Variants in C8G observed in about 807,000 individuals in gnomAD.
C8G encodes complement component C8 gamma chain.
In C8G, 38 loss-of-function variants were observed where a neutral mutation model predicts 29.1. The observed-to-expected ratio is 1.31, with a 90% CI of 1.01 to 1.71. The LOEUF (loss-of-function observed/expected upper bound fraction) is 1.71. C8G is among the 40% of genes most tolerant of loss of function. The pLI, the probability that C8G is intolerant of heterozygous loss-of-function variation, is 0.00. For missense variants in C8G, 300 were observed against 267.4 expected (o/e 1.12, Z -0.85); for synonymous variants, 158 against 113.2 (o/e 1.40, Z -2.51).
At chr9:136,945,793 A>G in intron 2 of C8G, 23 bp downstream of exon 2, 2 of 1,542,556 alleles carry the variant, frequency 1.3e-6, no homozygotes, top group East Asian at 2.4e-5. Flanking sequence ...GCAGCCCTGC[A>G]CCCTAACCCC....
rs144007361 is a variant in C8G, at chr9:136,946,162, C to T, written c.424C>T (p.Arg142Trp). ...GAGTTTCGCTGTCCTGTACCTGGAG[C>T]GGGCGGGGCAGCTGTCAGTGAAGCT... ...YQSFAVLYLE[R>W]AGQLSVKLYA... The change falls in exon 4 of 7, where the codon CGG becomes TGG. Residue 142 changes from arginine (R) to tryptophan (W), a missense_variant. Coordinates refer to ENST00000371634, the MANE Select transcript of C8G (RefSeq NM_000606.3). 6.3e-5 allele frequency: 99 copies of T among 1,568,052 alleles called. No homozygotes were observed. In the East Asian group the frequency reaches 1.8e-3, roughly 29 times the overall value.
chr9:136,945,374 G>C lies in C8G; in HGVS notation c.54G>C (p.Ser18=), dbSNP rs550971839. 2.6e-4 allele frequency: 414 copies of C among 1,612,490 alleles called. No homozygotes were observed. The highest frequency in any genetic ancestry group is 3.4e-4 in the Non-Finnish European group (403 of 1,179,842). The change falls in exon 1 of 7, where the codon TCG becomes TCC. Residue 18 remains serine (S), a synonymous_variant. Transcript: ENST00000371634. ...TGACTCTGCTCCTGGCAGCTGGCTC[G>C]CTGGGCCAGAAGCCTCAGAGGCCAC... The part of the protein sequence containing the change: ...TLLTLLLAAG[S]LGQKPQRPRR...
chr9:136,945,626 G>A lies in C8G; in HGVS notation c.139-8G>A, dbSNP rs1564441174. 4 of 1,608,706 alleles carry A rather than the reference G, an allele frequency of 2.5e-6. No homozygotes were observed. The highest frequency in any genetic ancestry group is 3.3e-5 in the Admixed American group (2 of 59,802). On this transcript the variant is annotated splice_region_variant and splice_polypyrimidine_tract_variant and intron_variant, in intron 1 of 6. Transcript: ENST00000371634. The stretch of plus-strand genomic sequence containing the variant: ...GTGCCCTCGAGTTCTCCCATGGTCT[G>A]CCCCCAGTTTGCAGGGACCTGGCTC...
rs1265118048 is a variant in C8G at position 136,945,268 on chromosome 9, TTGG to T, written c.-47_-45del. On this transcript the variant is annotated 5_prime_UTR_variant, in exon 1 of 7. Coordinates refer to ENST00000371634, the MANE Select transcript of C8G (RefSeq NM_000606.3). Reference sequence around the variant, plus strand: ...AGCAGAGTAGACTCTGTCCTGGGACTTGGTGGTGCTACCCTTGGCCTCCCACAG... The same window carrying T: ...AGCAGAGTAGACTCTGTCCTGGGACTTGGTGCTACCCTTGGCCTCCCACAG... 9 of 1,542,872 alleles carry T rather than the reference TTGG, an allele frequency of 5.8e-6. No homozygotes were observed. The highest frequency in any genetic ancestry group is 4.8e-4 in the Middle Eastern group (2 of 4,178).
chr9:136,946,848 C>T lies in C8G; in HGVS notation c.*67C>T, dbSNP rs147752674. On this transcript the variant is annotated 3_prime_UTR_variant, in exon 7 of 7. Coordinates refer to ENST00000371634, the MANE Select transcript of C8G (RefSeq NM_000606.3). ...GAGACGACCCCACCAGTGGGGTGCC[C>T]GCTGCCTGTCCTCCGTGAAACCAGC... 138 of 1,526,926 alleles carry T rather than the reference C, an allele frequency of 9.0e-5. No individual in the cohort carries two copies. The highest frequency in any genetic ancestry group is 8.8e-4 in the Middle Eastern group (5 of 5,710). The allele number at this position is 1,526,926 out of a possible 1,614,324, so 94.6% of individuals were successfully genotyped here.
rs1277857190 is a variant in C8G, at chr9:136,945,465, G to GT, written c.138+9dup. The GT allele has an allele frequency of 8.9e-6, 14 of 1,564,308 alleles. No homozygotes were observed. Among genetic ancestry groups the GT allele is most frequent in the Admixed American group, 7.6e-5 (4 of 52,302 alleles). On this transcript the variant is annotated splice_region_variant and intron_variant, in intron 1 of 6. Coordinates refer to ENST00000371634, the MANE Select transcript of C8G (RefSeq NM_000606.3). ...CAATTTTGATGCTCAGCAGGTAGAA[G>GT]TTGGGGGGGGTAGAGGGAGGCAGGT...
At chr9:136,945,806 CCCT>C (rs779062096) in intron 2 of C8G, 36 bp downstream of exon 2, 4 of 1,540,068 alleles carry the variant, frequency 2.6e-6, no homozygotes, top group Non-Finnish European at 3.5e-6. Context: ...CTAACCCCAA[CCCT>C]CCTCTCAGCC....
At chr9:136,946,284 C>G in intron 4 of C8G, 92 bp downstream of exon 4, 1 of 1,366,776 alleles carries the variant, frequency 7.3e-7, no homozygotes, top group Non-Finnish European at 1.0e-6. Context: ...CCCATGGGGA[C>G]ACACTTCCTT....
In C8G at chr9:136,946,452, G is replaced by C. The variant is rs540274585; in HGVS notation, c.455-13G>C. ...CTGGTGCCAGGACCCCAGGAACCCT[G>C]TCTGCCCTGCAGCCCGCTCGCTCCC... is the stretch of plus-strand genomic sequence containing the variant. On this transcript the variant is annotated splice_polypyrimidine_tract_variant and intron_variant, in intron 4 of 6. Transcript: ENST00000371634. 6.3e-7 allele frequency: 1 copy of C among 1,583,940 alleles called. No individual in the cohort carries two copies. The highest frequency in any genetic ancestry group is 2.3e-5 in the East Asian group (1 of 44,428).
chr9:136,945,742 G>C lies in C8G; in HGVS notation c.247G>C (p.Ala83Pro). Residue 83 changes from alanine to proline, a missense_variant, in exon 2 of 7, where the codon GCC becomes CCC. By Grantham distance (27) the Ala-to-Pro change is conservative. Coordinates refer to ENST00000371634, the MANE Select transcript of C8G (RefSeq NM_000606.3). The part of the protein sequence containing the change: ...TTLHVAPQGT[A>P]MAVSTFRKLD... Reference sequence around the variant, plus strand: ...ACTGCATGTGGCTCCCCAGGGCACAGCCATGGCTGTCAGTACCTTCCGAAA... The same window carrying C: ...ACTGCATGTGGCTCCCCAGGGCACACCCATGGCTGTCAGTACCTTCCGAAA... The C allele has an allele frequency of 6.4e-7, 1 of 1,567,144 alleles. No individual in the cohort carries two copies.
Position 136,946,569 on chromosome 9 carries a change from G to C in C8G, c.556+3G>C, listed in dbSNP as rs753203452. The stretch of plus-strand genomic sequence containing the variant: ...GATCTTCTACTTCCCCAAGTACGGT[G>C]AGTGTCCCCAGCAGGTCCCCAGCTC... On this transcript the variant is annotated splice_donor_region_variant and intron_variant, in intron 5 of 6. Transcript: ENST00000371634. 4.3e-6 allele frequency: 7 copies of C among 1,612,892 alleles called. No individual in the cohort carries two copies. The highest frequency in any genetic ancestry group is 5.1e-6 in the Non-Finnish European group (6 of 1,179,804).
chr9:136,945,543 G>C, intron 1 of C8G, 85 bp downstream of exon 1: 1 of 1,550,314 alleles, frequency 6.5e-7, no homozygotes, highest in Non-Finnish European at 8.8e-7. Context: ...GCGGGGGAGA[G>C]GGAAGCAGGT....
chr9:136,946,465 C>G lies in C8G; in HGVS notation c.455C>G (p.Ala152Gly). 1 of 1,596,526 alleles carries G rather than the reference C, an allele frequency of 6.3e-7. No individual in the cohort carries two copies. The highest frequency in any genetic ancestry group is 8.5e-7 in the Non-Finnish European group (1 of 1,170,820). Residue 152 changes from alanine (A) to glycine (G), a missense_variant and splice_region_variant, in exon 5 of 7, where the codon GCC becomes GGC. By Grantham distance (60) the Ala-to-Gly change is moderately conservative. Coordinates refer to ENST00000371634, the MANE Select transcript of C8G (RefSeq NM_000606.3). ...CCCAGGAACCCTGTCTGCCCTGCAG[C>G]CCGCTCGCTCCCTGTGAGCGACTCG... Reference protein sequence around the residue: ...RAGQLSVKLYARSLPVSDSVL... With the variant: ...RAGQLSVKLYGRSLPVSDSVL...
At position 136,945,309 on chromosome 9, in the gene C8G, G is replaced by A. The variant is rs760545526; in HGVS notation, c.-12G>A. 1.7e-5 allele frequency: 27 copies of A among 1,593,920 alleles called. 1 individual carries two copies. Among genetic ancestry groups the A allele is most frequent in the Middle Eastern group, 2.1e-4 (1 of 4,844 alleles). ...TGGCCTCCCACAGTCCTGCCACCCT[G>A]CTGCCGCCACCATGCTGCCCCCTGG... On this transcript the variant is annotated 5_prime_UTR_variant, in exon 1 of 7. Transcript: ENST00000371634.
Position 136,946,852 on chromosome 9 carries a change from G to C in C8G, c.*71G>C. 1 of 1,523,772 alleles carries C rather than the reference G, an allele frequency of 6.6e-7. No individual in the cohort carries two copies. Among genetic ancestry groups the C allele is most frequent in the Non-Finnish European group, 8.8e-7 (1 of 1,135,288 alleles). The allele number at this position is 1,523,772 out of a possible 1,614,324, so 94.4% of individuals were successfully genotyped here. A position where few individuals can be genotyped will look rare whatever the true frequency, so the allele number is the denominator to read the frequency against. ...CGACCCCACCAGTGGGGTGCCCGCTGCCTGTCCTCCGTGAAACCAGCCTCA... is the reference window on the plus strand; with the variant it reads ...CGACCCCACCAGTGGGGTGCCCGCTCCCTGTCCTCCGTGAAACCAGCCTCA... On this transcript the variant is annotated 3_prime_UTR_variant, in exon 7 of 7. Coordinates refer to ENST00000371634, the MANE Select transcript of C8G (RefSeq NM_000606.3).
rs1332168839 is a variant in C8G, at chr9:136,945,526, A to T, written c.138+68A>T. On this transcript the variant is annotated intron_variant, in intron 1 of 6. Coordinates refer to ENST00000371634, the MANE Select transcript of C8G (RefSeq NM_000606.3). ...GGAGGGGTAGAGGGAGACAGGTAGA[A>T]GTTGTTGCGGGGGAGAGGGAAGCAG... The T allele has an allele frequency of 6.3e-5, 92 of 1,450,738 alleles. No individual in the cohort carries two copies. In the African/African-American group the frequency reaches 1.5e-3, roughly 24 times the overall value. The allele number at this position is 1,450,738 out of a possible 1,614,324, so 89.9% of individuals were successfully genotyped here.
At position 136,945,430 on chromosome 9, in the gene C8G, A is replaced by C. The variant is rs1178421857; in HGVS notation, c.110A>C (p.Gln37Pro). The C allele has an allele frequency of 1.3e-6, 2 of 1,587,094 alleles. No homozygotes were observed. Among genetic ancestry groups the C allele is most frequent in the Non-Finnish European group, 1.7e-6 (2 of 1,166,896 alleles). ...CCCGCATCCCCCATCAGCACCATCC[A>C]GCCCAAGGCCAATTTTGATGCTCAG... ...RRPASPISTI[Q>P]PKANFDAQQF... Residue 37 changes from glutamine to proline, a missense_variant, in exon 1 of 7, where the codon CAG (glutamine) becomes CCG (proline). Gln to Pro is a moderately conservative substitution (Grantham distance 76). Coordinates refer to ENST00000371634, the MANE Select transcript of C8G (RefSeq NM_000606.3).
In C8G at chr9:136,945,267, C is replaced by T. The variant is rs1428514853; in HGVS notation, c.-54C>T. 2 of 1,542,072 alleles carry T rather than the reference C, an allele frequency of 1.3e-6. No homozygotes were observed. The highest frequency in any genetic ancestry group is 1.8e-6 in the Non-Finnish European group (2 of 1,141,594). On this transcript the variant is annotated 5_prime_UTR_variant, in exon 1 of 7. Coordinates refer to ENST00000371634, the MANE Select transcript of C8G (RefSeq NM_000606.3). Reference sequence around the variant, plus strand: ...CAGCAGAGTAGACTCTGTCCTGGGACTTGGTGGTGCTACCCTTGGCCTCCC... The same window carrying T: ...CAGCAGAGTAGACTCTGTCCTGGGATTTGGTGGTGCTACCCTTGGCCTCCC...
In C8G at chr9:136,946,081, C is replaced by T. The variant is rs769877485; in HGVS notation, c.347-4C>T. On this transcript the variant is annotated splice_polypyrimidine_tract_variant and splice_region_variant and intron_variant, in intron 3 of 6. Transcript: ENST00000371634. ...CTGACATGGCTACTGTGGCTCTGCC[C>T]CAGCCCGAGACGCCCGAGGGGCTGT... is the stretch of plus-strand genomic sequence containing the variant. 2 of 1,605,868 alleles carry T rather than the reference C, an allele frequency of 1.2e-6. No individual in the cohort carries two copies. The highest frequency in any genetic ancestry group is 1.1e-5 in the South Asian group (1 of 90,454).
Sources: allele counts gnomAD v4.1 joint callset, GRCh38; gene constraint gnomAD v4.1.1; transcripts MANE v1.5; gene names NCBI Gene and HGNC (gene_info 2026-07-23, HGNC 2026-07-21).